Variants in ATXN1 observed in about 807,000 individuals in gnomAD.
ATXN1 encodes ataxin 1, also known as ataxin-1.
ATXN1 carries 8 observed loss-of-function variants against 56.4 expected under a neutral mutation model. That is an observed-to-expected ratio of 0.14 (90% CI 0.08 to 0.26). ATXN1 has a LOEUF of 0.26. Among genes scored for constraint, ATXN1 ranks in the 10% least tolerant of loss-of-function variants. The pLI is 1.00. For synonymous variants in ATXN1, 514 were observed against 494.6 expected (o/e 1.04, Z -0.52); for missense variants, 987 against 1,106.5 (o/e 0.89, Z 1.53).
At chr6:16,542,838 CAAA>C (rs1761741529) in intron 4 of ATXN1, among the ~76,000 whole-genome samples, 1 of 150,644 alleles carries the variant, frequency 6.6e-6, no homozygotes, top group Non-Finnish European at 1.5e-5. Flanking sequence ...AGATTAACAA[CAAA>C]AACTAATAAT....
chr6:16,323,060 C>T (rs1307527387), intron 7 of ATXN1, among the ~76,000 whole-genome samples: 1 of 152,202 alleles, frequency 6.6e-6, no homozygotes, highest in East Asian at 1.9e-4. Flanking sequence ...TGCTCGTCTG[C>T]ACCCTGGCTG....
intron 6 of ATXN1, among the ~76,000 whole-genome samples, chr6:16,369,799 T>C (rs918463409): frequency 1.3e-5 from 2 of 152,192 alleles, no homozygotes; most frequent in Non-Finnish European, 2.9e-5. Context: ...ATGAGTTTTC[T>C]CCAGCTCTGC....
intron 2 of ATXN1, among the ~76,000 whole-genome samples, chr6:16,699,685 A>C (rs994639206): frequency 4.9e-4 from 74 of 152,206 alleles, no homozygotes; most frequent in African/African-American, 1.8e-3. Context: ...TGATAAGAAG[A>C]AAAAGAAGCA....
At chr6:16,724,960 A>G (rs2113475218) in intron 2 of ATXN1, among the ~76,000 whole-genome samples, 1 of 152,316 alleles carries the variant, frequency 6.6e-6, no homozygotes, top group Admixed American at 6.5e-5. Flanking sequence ...AAAGACAGGA[A>G]GTGGAGAAGT....
chr6:16,531,378 T>A (rs921385520), intron 4 of ATXN1, among the ~76,000 whole-genome samples: 3 of 152,132 alleles, frequency 2.0e-5, no homozygotes, highest in African/African-American at 7.2e-5. Context: ...ATCCTAACAC[T>A]TTGGGAGGCC....
At chr6:16,597,690 T>C (rs185473754) in intron 3 of ATXN1, among the ~76,000 whole-genome samples, 85 of 150,932 alleles carry the variant, frequency 5.6e-4, no homozygotes, top group African/African-American at 2.0e-3. Flanking sequence ...TCCACCCGCC[T>C]CGGCCTCCCA....
chr6:16,404,181 T>G (rs1758637553), intron 6 of ATXN1, among the ~76,000 whole-genome samples: 1 of 152,066 alleles, frequency 6.6e-6, no homozygotes, highest in South Asian at 2.1e-4. Flanking sequence ...AACATATGAC[T>G]CTTTACCCAA....
chr6:16,597,512 C>T (rs1762837050), intron 3 of ATXN1, among the ~76,000 whole-genome samples: 1 of 150,676 alleles, frequency 6.6e-6, no homozygotes, highest in Non-Finnish European at 1.5e-5. Flanking sequence ...AATCTTGGCT[C>T]ACTGCAGCCT....
intron 2 of ATXN1, among the ~76,000 whole-genome samples, chr6:16,717,470 T>G (rs1198662763): frequency 1.3e-5 from 2 of 152,214 alleles, no homozygotes; most frequent in Non-Finnish European, 2.9e-5. Context: ...CATATGGATC[T>G]TCCTTAGAGA....
At chr6:16,612,523 G>A (rs1763127112) in intron 3 of ATXN1, among the ~76,000 whole-genome samples, 2 of 152,116 alleles carry the variant, frequency 1.3e-5, no homozygotes, top group Non-Finnish European at 2.9e-5. Context: ...AGTGTAGGCA[G>A]CTTACAGTCA....
At chr6:16,391,532 C>T (rs1343487250) in intron 6 of ATXN1, among the ~76,000 whole-genome samples, 1 of 152,166 alleles carries the variant, frequency 6.6e-6, no homozygotes, top group Non-Finnish European at 1.5e-5. Context: ...TAACATGTTT[C>T]TCTGTGACGG....
chr6:16,344,831 C>T (rs994138796), intron 6 of ATXN1, among the ~76,000 whole-genome samples: 1 of 152,216 alleles, frequency 6.6e-6, no homozygotes, highest in Non-Finnish European at 1.5e-5. Context: ...TCCTGTCTGT[C>T]TAGAGAACCC....
At chr6:16,400,743 G>A (rs1758550193) in intron 6 of ATXN1, among the ~76,000 whole-genome samples, 1 of 152,200 alleles carries the variant, frequency 6.6e-6, no homozygotes, top group Non-Finnish European at 1.5e-5. Flanking sequence ...TGAGCTTACA[G>A]TCTAAAAGAG....
At chr6:16,411,569 C>A (rs753563510) in intron 6 of ATXN1, among the ~76,000 whole-genome samples, 14 of 151,998 alleles carry the variant, frequency 9.2e-5, no homozygotes, top group Non-Finnish European at 2.1e-4. Flanking sequence ...AAAAAAAAAT[C>A]TCCCTGGCTG....
At chr6:16,605,351 G>C (rs1483355066) in intron 3 of ATXN1, among the ~76,000 whole-genome samples, 1 of 152,160 alleles carries the variant, frequency 6.6e-6, no homozygotes, top group Non-Finnish European at 1.5e-5. Flanking sequence ...TGTAGACACC[G>C]AGGCTTAAAG....
chr6:16,404,422 C>T (rs533087032), intron 6 of ATXN1, among the ~76,000 whole-genome samples: 110 of 152,274 alleles, frequency 7.2e-4, no homozygotes, highest in Non-Finnish European at 1.2e-3. Context: ...CCCACCTTTC[C>T]CTCCCAGAGC....
chr6:16,676,003 T>C (rs1307638559), intron 2 of ATXN1, among the ~76,000 whole-genome samples: 1 of 152,030 alleles, frequency 6.6e-6, no homozygotes, highest in African/African-American at 2.4e-5. Flanking sequence ...ATGTCTCCAA[T>C]ATAGAAAAAT....
At chr6:16,628,557 G>A (rs550062791) in intron 3 of ATXN1, among the ~76,000 whole-genome samples, 14 of 152,064 alleles carry the variant, frequency 9.2e-5, no homozygotes, top group South Asian at 6.2e-4. Flanking sequence ...AGATGGTTTC[G>A]TCACCCAGAT....
At chr6:16,486,208 T>C (rs910995018) in intron 5 of ATXN1, 99 bp from the exon 6 acceptor site, 3 of 152,314 alleles carry the variant, frequency 2.0e-5, no homozygotes, top group African/African-American at 4.8e-5. Flanking sequence ...ATTAGACGAA[T>C]TGATAGTTCA....
Sources: gnomAD v4.1 joint callset for allele counts (sites outside exome capture counted in the v4.1 genomes callset) on GRCh38, gnomAD v4.1.1 for gene constraint, MANE v1.5 for transcripts, NCBI Gene and HGNC (gene_info 2026-07-23, HGNC 2026-07-21) for gene names.